NFIL3: variants seen among roughly 807,000 people sequenced by gnomAD.
NFIL3 encodes the protein nuclear factor, interleukin 3 regulated, also known as nuclear factor interleukin-3-regulated protein.
A neutral mutation model predicts 10.0 loss-of-function variants in NFIL3; 5 were observed. The observed-to-expected ratio is 0.50, with a 90% confidence interval of 0.26 to 1.06. The LOEUF (loss-of-function observed/expected upper bound fraction) is 1.06, where lower values mean the gene tolerates loss of function less well. Among genes scored for constraint, NFIL3 ranks in the 50% least tolerant of loss-of-function variants. The pLI is 0.13. For missense variants in NFIL3, 436 were observed against 547.6 expected (o/e 0.80, Z 2.03); for synonymous variants, 202 against 206.5 (o/e 0.98, Z 0.19).
the NFIL3 span, among the ~76,000 whole-genome samples, chr9:91,465,962 G>A: frequency 0.098 from 14,859 of 151,922 alleles, 1,034 homozygotes; most frequent in East Asian, 0.26. Flanking sequence ...TGTAGGCATG[G>A]TAGTAAAGGG....
Position 91,409,365 on chromosome 9 carries a change from G to A in NFIL3, c.1370C>T (p.Ser457Phe). 1 of 1,576,284 alleles carries A rather than the reference G, an allele frequency of 6.3e-7. No homozygotes were observed. Among genetic ancestry groups the A allele is most frequent in the Non-Finnish European group, 8.6e-7 (1 of 1,163,274 alleles). The change falls in exon 2 of 2, where the codon TCT becomes TTT. Residue 457 changes from serine (S) to phenylalanine (F), a missense_variant. Ser to Phe is a radical substitution (Grantham distance 155, BLOSUM62 -2). Transcript: ENST00000297689. ...AGTAATTTACCCAGAGTCTGAAGCA[G>A]AGATTGGTTGTGTGGCTATAAGTCT... ...LKRLIATQPI[S>F]ASDSG
the NFIL3 span, among the ~76,000 whole-genome samples, chr9:91,481,468 C>T: frequency 6.6e-6 from 1 of 151,978 alleles, no homozygotes; most frequent in Admixed American, 6.6e-5. Flanking sequence ...GTATTGTATA[C>T]AATCATAGTC....
the NFIL3 span, among the ~76,000 whole-genome samples, chr9:91,466,146 C>A: frequency 2.6e-5 from 4 of 152,050 alleles, no homozygotes; most frequent in South Asian, 8.3e-4. Context: ...AACCACTAAT[C>A]CACAATAGAG....
chr9:91,437,184 G>C, the NFIL3 span, among the ~76,000 whole-genome samples: 317 of 152,284 alleles, frequency 2.1e-3, 2 homozygotes, highest in Non-Finnish European at 2.1e-3. Context: ...GATCAGTACC[G>C]GTCTGTGGCC....
the NFIL3 span, among the ~76,000 whole-genome samples, chr9:91,474,382 C>T: frequency 0.31 from 47,578 of 151,814 alleles, 9,698 homozygotes; most frequent in African/African-American, 0.59. Flanking sequence ...TCTAGGCTAA[C>T]GAGAGATATT....
At chr9:91,442,975 G>T in the NFIL3 span, among the ~76,000 whole-genome samples, 3 of 152,166 alleles carry the variant, frequency 2.0e-5, no homozygotes, top group African/African-American at 7.2e-5. Context: ...CAGGAAAAAT[G>T]AGGTATGTGG....
chr9:91,414,580 C>G (rs1185230417), intron 1 of NFIL3, among the ~76,000 whole-genome samples: 1 of 152,170 alleles, frequency 6.6e-6, no homozygotes, highest in South Asian at 2.1e-4. Flanking sequence ...TTTTAATCAT[C>G]TTCTTCCTAT....
rs771465334 is a variant in NFIL3 at position 91,410,561 on chromosome 9, A to G, written c.174T>C (p.Ser58=). The G allele has an allele frequency of 6.2e-7, 1 of 1,614,190 alleles. No homozygotes were observed. Among genetic ancestry groups the G allele is most frequent in the Admixed American group, 1.7e-5 (1 of 60,024 alleles). ...SEGSVGKNKS[S]ACRRKREFIP... ...TGAATTCCCGTTTCCTCCGACATGC[A>G]GAAGATTTGTTCTTCCCCACACTTC... The change falls in exon 2 of 2, where the codon TCT becomes TCC. Residue 58 remains serine, a synonymous_variant. Transcript: ENST00000297689. This position sits in a 1 kb window ranked among gnomAD's most constrained non-coding sequence, Gnocchi z 5.7.
chr9:91,424,075 G>C (rs1833831912), upstream of NFIL3, among the ~76,000 whole-genome samples: 1 of 151,160 alleles, frequency 6.6e-6, no homozygotes, highest in South Asian at 2.1e-4. Context: ...CGCCGTCCGA[G>C]CGCCCGCGAG....
chr9:91,439,544 C>T, the NFIL3 span, among the ~76,000 whole-genome samples: 55 of 152,086 alleles, frequency 3.6e-4, no homozygotes, highest in Non-Finnish European at 6.9e-4. Flanking sequence ...ACTTCCAGTA[C>T]TATGCTGACT....
At chr9:91,463,738 A>G in the NFIL3 span, among the ~76,000 whole-genome samples, 4,586 of 152,272 alleles carry the variant, frequency 0.03, 98 homozygotes, top group East Asian at 0.093. Flanking sequence ...AGCTCCATCT[A>G]TCAACTACCA....
chr9:91,444,558 C>T, the NFIL3 span, among the ~76,000 whole-genome samples: 1 of 152,216 alleles, frequency 6.6e-6, no homozygotes, highest in African/African-American at 2.4e-5. Context: ...AGTCACCTCT[C>T]TCAAACTTTA....
chr9:91,476,308 C>T, the NFIL3 span, among the ~76,000 whole-genome samples: 2 of 152,216 alleles, frequency 1.3e-5, no homozygotes, highest in Non-Finnish European at 1.5e-5. Context: ...CACAGTGGCT[C>T]ATGCCTGTAA....
chr9:91,439,586 C>T, the NFIL3 span, among the ~76,000 whole-genome samples: 3 of 152,100 alleles, frequency 2.0e-5, no homozygotes, highest in Non-Finnish European at 4.4e-5. Context: ...TTGCCTTGTA[C>T]TGGACCTTGG....
chr9:91,439,399 T>A, the NFIL3 span, among the ~76,000 whole-genome samples: 8 of 152,170 alleles, frequency 5.3e-5, no homozygotes, highest in African/African-American at 1.7e-4. Flanking sequence ...TAGTTCTAAC[T>A]GTTTTTTTTC....
rs1391531109 is a variant in NFIL3, at chr9:91,409,792, C to G, written c.943G>C (p.Val315Leu). ...AAGGCAGAGGAATTCACTTCTGGAA[C>G]TTTAACCACAGTTGCATGCACATGC... ...LKHVHATVVKVPEVNSSALPH... is the reference protein window; with the variant it reads ...LKHVHATVVKLPEVNSSALPH... The change falls in exon 2 of 2, where the codon GTT (valine) becomes CTT (leucine). Residue 315 changes from valine (V) to leucine (L), a missense_variant. By Grantham distance (32) the Val-to-Leu change is conservative. Transcript: ENST00000297689. 6.2e-7 allele frequency: 1 copy of G among 1,614,194 alleles called. No individual in the cohort carries two copies. Among genetic ancestry groups the G allele is most frequent in the Non-Finnish European group, 8.5e-7 (1 of 1,180,044 alleles).
chr9:91,465,018 T>G, the NFIL3 span, among the ~76,000 whole-genome samples: 1 of 152,130 alleles, frequency 6.6e-6, no homozygotes, highest in Non-Finnish European at 1.5e-5. Flanking sequence ...TTTATTGGTA[T>G]TACTCCTATT....
chr9:91,472,553 A>G, the NFIL3 span, among the ~76,000 whole-genome samples: 1 of 152,152 alleles, frequency 6.6e-6, no homozygotes, highest in South Asian at 2.1e-4. Flanking sequence ...TTTCAGCTCC[A>G]TCAGGTCATT....
chr9:91,410,150 TGAG>T lies in NFIL3; in HGVS notation c.582_584del (p.Ser195del), dbSNP rs748773756. On this transcript the variant is annotated inframe_deletion, in exon 2 of 2. Transcript: ENST00000297689. The surrounding 1 kb of genome is among the most constrained non-coding windows in gnomAD (Gnocchi z 5.7). ...CAGAGCTCTCCTGCGTGTGTTCTAC[TGAG>T]GACACTTCTGAAACATCGGACAGCG... 3.7e-6 allele frequency: 6 copies of T among 1,614,076 alleles called. No homozygotes were observed. In the African/African-American group the frequency reaches 8.0e-5, roughly 22 times the overall value.
Sources: allele counts gnomAD v4.1 joint callset (sites outside exome capture counted in the v4.1 genomes callset), GRCh38; gene constraint gnomAD v4.1.1; non-coding constraint Gnocchi (gnomAD v3.1); transcripts MANE v1.5; gene names NCBI Gene and HGNC (gene_info 2026-07-23, HGNC 2026-07-21).